The following ADAMTSL1 variants were observed in gnomAD, a reference collection of about 807,000 sequenced individuals.
ADAMTSL1 encodes the protein ADAMTS like 1, also known as ADAMTS-like protein 1.
Under a neutral mutation model 201.8 loss-of-function variants are expected in ADAMTSL1, and 126 were observed. That is an observed-to-expected ratio of 0.62 (90% confidence interval 0.54 to 0.72). The LOEUF (loss-of-function observed/expected upper bound fraction) is 0.72, where lower values mean the gene tolerates loss of function less well. Among genes scored for constraint, ADAMTSL1 ranks in the 30% least tolerant of loss-of-function variants. The pLI is 0.00. For synonymous variants in ADAMTSL1, 1,121 were observed against 903.4 expected (o/e 1.24, Z -4.32); for missense variants, 2,679 against 2,277.8 (o/e 1.18, Z -3.59).
intron 3 of ADAMTSL1, among the ~76,000 whole-genome samples, chr9:18,569,616 G>C (rs1822168217): frequency 6.6e-6 from 1 of 152,166 alleles, no homozygotes; most frequent in South Asian, 2.1e-4. Context: ...GTGGGAGTCT[G>C]TAGTCCTGTG....
chr9:18,123,102 A>G (rs1825574859), intron 1 of ADAMTSL1, among the ~76,000 whole-genome samples: 1 of 152,192 alleles, frequency 6.6e-6, no homozygotes, highest in Non-Finnish European at 1.5e-5. Context: ...ACAACAGAAA[A>G]TTGAATTTCT....
intron 1 of ADAMTSL1, among the ~76,000 whole-genome samples, chr9:18,079,112 A>G (rs968962226): frequency 1.3e-5 from 2 of 152,154 alleles, no homozygotes; most frequent in Non-Finnish European, 2.9e-5. Flanking sequence ...GAGGGCAGGT[A>G]TCCCCAGATA....
intron 4 of ADAMTSL1, among the ~76,000 whole-genome samples, chr9:18,605,999 G>A (rs745898759): frequency 1.3e-5 from 2 of 152,136 alleles, no homozygotes; most frequent in South Asian, 2.1e-4. Context: ...CTGACACTGC[G>A]TGGTACAAAC....
intron 9 of ADAMTSL1, among the ~76,000 whole-genome samples, chr9:18,674,406 C>A (rs1483065907): frequency 2.6e-5 from 4 of 151,968 alleles, no homozygotes; most frequent in African/African-American, 4.8e-5. Context: ...AATTTGACTT[C>A]TCTCATGTAT....
At chr9:18,002,695 A>G (rs1819661069) in intron 1 of ADAMTSL1, among the ~76,000 whole-genome samples, 1 of 152,042 alleles carries the variant, frequency 6.6e-6, no homozygotes, top group Non-Finnish European at 1.5e-5. Flanking sequence ...AATTCATATA[A>G]TACACTCAGT....
At chr9:18,273,350 G>C (rs1832460271) in intron 2 of ADAMTSL1, among the ~76,000 whole-genome samples, 1 of 103,956 alleles carries the variant, frequency 9.6e-6, no homozygotes, top group Non-Finnish European at 2.4e-5. Context: ...CAAAGTGCTG[G>C]GATTGCAAGA....
chr9:18,097,124 A>G (rs1159253610), intron 1 of ADAMTSL1, among the ~76,000 whole-genome samples: 1 of 152,124 alleles, frequency 6.6e-6, no homozygotes, highest in Non-Finnish European at 1.5e-5. Context: ...GTTGATCCCC[A>G]TTGCAAGCCA....
At chr9:18,387,121 A>T (rs1368070083) in intron 2 of ADAMTSL1, among the ~76,000 whole-genome samples, 1 of 152,080 alleles carries the variant, frequency 6.6e-6, no homozygotes, top group Non-Finnish European at 1.5e-5. Context: ...GTATTTTTAT[A>T]GATATGCTAA....
intron 20 of ADAMTSL1, among the ~76,000 whole-genome samples, chr9:18,808,315 G>C (rs1823290435): frequency 6.6e-6 from 1 of 151,936 alleles, no homozygotes; most frequent in Non-Finnish European, 1.5e-5. Context: ...GGTGTAAGAG[G>C]GTCAATTGAT....
At chr9:18,073,021 G>C (rs1823036314) in intron 1 of ADAMTSL1, among the ~76,000 whole-genome samples, 1 of 152,138 alleles carries the variant, frequency 6.6e-6, no homozygotes, top group African/African-American at 2.4e-5. Flanking sequence ...TATTTAGTTA[G>C]TTTCTCTTAG....
At chr9:18,702,616 T>C (rs1215120856) in intron 13 of ADAMTSL1, among the ~76,000 whole-genome samples, 1 of 152,148 alleles carries the variant, frequency 6.6e-6, no homozygotes, top group African/African-American at 2.4e-5. Context: ...ATTTGCCAGG[T>C]GTGGTTTGTT....
chr9:18,182,229 G>T (rs1828524318), intron 2 of ADAMTSL1, among the ~76,000 whole-genome samples: 1 of 150,744 alleles, frequency 6.6e-6, no homozygotes, highest in Non-Finnish European at 1.5e-5. Context: ...CATGTCACAT[G>T]TATACATATG....
At chr9:18,405,446 G>A (rs1818150666) in intron 2 of ADAMTSL1, among the ~76,000 whole-genome samples, 1 of 152,148 alleles carries the variant, frequency 6.6e-6, no homozygotes, top group Non-Finnish European at 1.5e-5. Flanking sequence ...AAACCTCTGT[G>A]AGTGTCTACA....
intron 4 of ADAMTSL1, among the ~76,000 whole-genome samples, chr9:18,606,433 G>A (rs937366815): frequency 3.3e-5 from 5 of 152,114 alleles, no homozygotes; most frequent in African/African-American, 9.7e-5. Context: ...TAAACAAAAT[G>A]CTCTAAACAT....
intron 2 of ADAMTSL1, among the ~76,000 whole-genome samples, chr9:18,295,690 T>G (rs1350149416): frequency 6.6e-6 from 1 of 152,210 alleles, no homozygotes; most frequent in Non-Finnish European, 1.5e-5. Flanking sequence ...GAAAATTTCT[T>G]GAATTTCATC....
intron 2 of ADAMTSL1, among the ~76,000 whole-genome samples, chr9:18,324,517 C>T (rs1042863755): frequency 4.0e-5 from 6 of 151,352 alleles, no homozygotes; most frequent in African/African-American, 9.7e-5. Context: ...GTAATCCCAA[C>T]ATTTTGGGAG....
At chr9:18,237,362 C>A (rs1563827397) in intron 2 of ADAMTSL1, among the ~76,000 whole-genome samples, 2 of 152,194 alleles carry the variant, frequency 1.3e-5, no homozygotes, top group Non-Finnish European at 2.9e-5. Flanking sequence ...TGAATCAATT[C>A]ACTCTGTGTT....
chr9:18,043,546 C>G (rs1490127199), intron 1 of ADAMTSL1, among the ~76,000 whole-genome samples: 1 of 152,064 alleles, frequency 6.6e-6, no homozygotes, highest in Non-Finnish European at 1.5e-5. Flanking sequence ...TGTTCACCAA[C>G]CTACTAGATG....
At chr9:18,607,113 C>T (rs994145832) in intron 4 of ADAMTSL1, among the ~76,000 whole-genome samples, 1 of 152,170 alleles carries the variant, frequency 6.6e-6, no homozygotes, top group Non-Finnish European at 1.5e-5. Context: ...TGGAAATCAT[C>T]TGACAACTCA....
Sources: gnomAD v4.1 joint callset for allele counts (sites outside exome capture counted in the v4.1 genomes callset) on GRCh38, gnomAD v4.1.1 for gene constraint, MANE v1.5 for transcripts, NCBI Gene and HGNC (gene_info 2026-07-23, HGNC 2026-07-21) for gene names.